PTPRG: variants seen among roughly 807,000 people sequenced by gnomAD.
The protein encoded by PTPRG is protein tyrosine phosphatase receptor type G.
A neutral mutation model predicts 165.3 loss-of-function variants in PTPRG; 102 were observed. The observed-to-expected ratio is 0.62, with a 90% confidence interval of 0.53 to 0.73. The LOEUF (loss-of-function observed/expected upper bound fraction) is 0.73. PTPRG is among the 30% of genes least tolerant of loss of function. PTPRG has a pLI of 0.00. For synonymous variants in PTPRG, 675 were observed against 669.5 expected (o/e 1.01, Z -0.13); for missense variants, 1,866 against 1,861.4 (o/e 1.00, Z -0.05).
At chr3:62,095,617 A>C (rs1353762652) in intron 5 of PTPRG, among the ~76,000 whole-genome samples, 1 of 152,148 alleles carries the variant, frequency 6.6e-6, no homozygotes, top group Non-Finnish European at 1.5e-5. Context: ...GTCTTTGTGG[A>C]CATCACAGGC....
intron 2 of PTPRG, among the ~76,000 whole-genome samples, chr3:61,956,329 A>G (rs1377080025): frequency 1.3e-5 from 2 of 151,882 alleles, no homozygotes; most frequent in Admixed American, 6.6e-5. Context: ...ATATTCATAC[A>G]TTTATTCTAC....
intron 1 of PTPRG, among the ~76,000 whole-genome samples, chr3:61,624,903 TCA>T (rs767635405): frequency 9.2e-5 from 14 of 152,162 alleles, no homozygotes; most frequent in Non-Finnish European, 1.8e-4. Flanking sequence ...ATTTACTGTC[TCA>T]CAGTTCTGGA....
chr3:61,849,798 A>G (rs201242183), intron 2 of PTPRG, among the ~76,000 whole-genome samples: 1 of 152,192 alleles, frequency 6.6e-6, no homozygotes, highest in Non-Finnish European at 1.5e-5. Context: ...GTGCTTAACT[A>G]CAGACTTTGC....
At chr3:61,563,691 C>G (rs1461496427) in intron 1 of PTPRG, among the ~76,000 whole-genome samples, 1 of 152,242 alleles carries the variant, frequency 6.6e-6, no homozygotes, top group African/African-American at 2.4e-5. Flanking sequence ...GGTCTCCGCT[C>G]TGCCTGGTTA....
intron 2 of PTPRG, among the ~76,000 whole-genome samples, chr3:61,793,301 G>C (rs1003943288): frequency 6.6e-5 from 10 of 152,166 alleles, no homozygotes; most frequent in Non-Finnish European, 1.0e-4. Flanking sequence ...TAGCCAAAGT[G>C]GTGGTTTCAA....
intron 2 of PTPRG, among the ~76,000 whole-genome samples, chr3:61,958,219 C>T (rs1034476116): frequency 6.6e-6 from 1 of 151,950 alleles, no homozygotes; most frequent in African/African-American, 2.4e-5. Flanking sequence ...CTCTGCCTCC[C>T]GAGTTCAAAC....
intron 14 of PTPRG, among the ~76,000 whole-genome samples, chr3:62,242,686 C>G (rs72878131): frequency 6.6e-6 from 1 of 152,162 alleles, no homozygotes; most frequent in Non-Finnish European, 1.5e-5. Flanking sequence ...AACCCTAGCC[C>G]CTTCTTTGGC....
chr3:61,674,444 C>T (rs941786676), intron 1 of PTPRG, among the ~76,000 whole-genome samples: 5 of 148,734 alleles, frequency 3.4e-5, no homozygotes, highest in African/African-American at 1.2e-4. Flanking sequence ...CTGAGATCGC[C>T]CCACTGCCCT....
In PTPRG at chr3:62,003,370, A is replaced by G. The variant is rs370339396; in HGVS notation, c.392A>G (p.Asp131Gly). 6.2e-7 allele frequency: 1 copy of G among 1,613,726 alleles called. No individual in the cohort carries two copies. The highest frequency in any genetic ancestry group is 1.1e-5 in the South Asian group (1 of 91,062). Residue 131 changes from aspartate (D) to glycine (G), a missense_variant, in exon 4 of 30, where the codon GAC becomes GGC. Asp to Gly is a moderately conservative substitution (Grantham distance 94, BLOSUM62 -1). Around this residue, in one of 3 missense-constraint regions of PTPRG, gnomAD observed 408 missense variants for 376.2 expected, o/e 1.08. Transcript: ENST00000474889. ...GKTVAILLKD[D>G]YFVSGAGLPG... ...ACAGTCGCCATCCTTCTGAAAGACG[A>G]CTATTTTGTCAGTGGAGCTGGTCTA...
chr3:62,151,985 G>A lies in PTPRG; in HGVS notation c.683-5082G>A, dbSNP rs542348089. On this transcript the variant is annotated intron_variant, in intron 6 of 29. Coordinates refer to ENST00000474889, the MANE Select transcript of PTPRG (RefSeq NM_002841.4). ...ACAAAGGTTAAATAACCCTTCTCAA[G>A]TCAAACCTTTAAGTAGAATAGTTAG... 4.6e-5 allele frequency among the ~76,000 whole-genome samples: 7 copies of A among 152,242 alleles called. No homozygotes were observed. The South Asian group carries it at 1.5e-3, about 32-fold the overall frequency.
At chr3:61,747,454 GAGGACCA>G (rs2033255598) in intron 1 of PTPRG, among the ~76,000 whole-genome samples, 1 of 152,142 alleles carries the variant, frequency 6.6e-6, no homozygotes, top group Non-Finnish European at 1.5e-5. Flanking sequence ...AATTTTCTTT[GAGGACCA>G]ATGAGCAGAC....
chr3:61,971,753 A>C (rs1046850918), intron 2 of PTPRG, among the ~76,000 whole-genome samples: 2 of 152,248 alleles, frequency 1.3e-5, no homozygotes, highest in Admixed American at 6.5e-5. Context: ...CAACTCTGTA[A>C]ATTTACTAAG....
intron 1 of PTPRG, among the ~76,000 whole-genome samples, chr3:61,563,594 C>T (rs939535889): frequency 3.3e-5 from 5 of 152,292 alleles, no homozygotes; most frequent in Non-Finnish European, 4.4e-5. Context: ...CAGAGAATTC[C>T]CCGTTTTTCT....
At chr3:61,768,689 A>T (rs191710723) in intron 2 of PTPRG, among the ~76,000 whole-genome samples, 3 of 152,298 alleles carry the variant, frequency 2.0e-5, no homozygotes, top group Admixed American at 2.0e-4. Context: ...TCCACTCTTA[A>T]TAGAATTGGA....
intron 5 of PTPRG, among the ~76,000 whole-genome samples, chr3:62,109,743 A>C (rs1025121728): frequency 2.0e-5 from 3 of 152,166 alleles, no homozygotes; most frequent in Non-Finnish European, 4.4e-5. Flanking sequence ...CACTCATCTC[A>C]GCAGCTCTCA....
intron 4 of PTPRG, among the ~76,000 whole-genome samples, chr3:62,068,958 T>C (rs1701112155): frequency 6.6e-6 from 1 of 152,220 alleles, no homozygotes; most frequent in South Asian, 2.1e-4. Context: ...CCACCTTGCC[T>C]GCAAAGATAC....
At chr3:61,962,497 T>G (rs1413855333) in intron 2 of PTPRG, among the ~76,000 whole-genome samples, 2 of 152,190 alleles carry the variant, frequency 1.3e-5, no homozygotes, top group East Asian at 3.9e-4. Context: ...AAGTGTGGCG[T>G]GTATAGGAAA....
intron 2 of PTPRG, among the ~76,000 whole-genome samples, chr3:61,896,282 A>C (rs185956705): frequency 4.7e-4 from 71 of 152,302 alleles, no homozygotes; most frequent in Non-Finnish European, 3.1e-4. Flanking sequence ...TGTCACTTCA[A>C]AAATGTTACA....
chr3:61,702,683 C>T (rs1265979466), intron 1 of PTPRG, among the ~76,000 whole-genome samples: 1 of 152,176 alleles, frequency 6.6e-6, no homozygotes, highest in Non-Finnish European at 1.5e-5. Context: ...TTTTTCCCAA[C>T]CCCCCACCAG....
Sources: allele counts gnomAD v4.1 joint callset (sites outside exome capture counted in the v4.1 genomes callset), GRCh38; gene constraint gnomAD v4.1.1; regional missense constraint gnomAD v4.1.1; transcripts MANE v1.5; gene names NCBI Gene and HGNC (gene_info 2026-07-23, HGNC 2026-07-21).